Variants in MYH14 observed in about 807,000 individuals in gnomAD.
The protein encoded by MYH14 is myosin-14.
In MYH14, 123 loss-of-function variants were observed where a neutral mutation model predicts 255.5. The ratio of observed to expected loss-of-function variants is 0.48; its 90% confidence interval spans 0.42 to 0.56. MYH14 has a LOEUF of 0.56. MYH14 is among the 20% of genes least tolerant of loss of function. The pLI is 0.00. For missense variants in MYH14, 2,423 were observed against 2,802.3 expected (o/e 0.86, Z 3.06); for synonymous variants, 1,095 against 1,161.2 (o/e 0.94, Z 1.16).
At chr19:50,292,811 G>A (rs1228385493) in intron 37 of MYH14, among the ~76,000 whole-genome samples, 1 of 151,778 alleles carries the variant, frequency 6.6e-6, no homozygotes, top group African/African-American at 2.4e-5. Flanking sequence ...GAGAGATTGA[G>A]AAAGAGAGAG....
chr19:50,210,094 C>CT (rs2032080832), intron 1 of MYH14, among the ~76,000 whole-genome samples: 6 of 70,418 alleles, frequency 8.5e-5, no homozygotes, highest in African/African-American at 4.0e-4. Flanking sequence ...GAGACTCCGT[C>CT]TCAAAAAAAA....
chr19:50,240,810 AAAAC>A (rs1295259723), intron 10 of MYH14, among the ~76,000 whole-genome samples: 2 of 150,554 alleles, frequency 1.3e-5, no homozygotes, highest in Admixed American at 1.3e-4. Flanking sequence ...TAAAAACAGA[AAAAC>A]AAACAAAAAA....
At position 50,266,722 on chromosome 19, in the gene MYH14, GT is replaced by G. The variant is rs1272207819; in HGVS notation, c.2695-153del. Among the ~76,000 whole-genome samples the G allele has an allele frequency of 6.6e-6, 1 of 152,248 alleles. No homozygotes were observed. Among genetic ancestry groups the G allele is most frequent in the Non-Finnish European group, 1.5e-5 (1 of 68,044 alleles). On this transcript the variant is annotated intron_variant, in intron 22 of 42. Transcript: ENST00000642316. The surrounding 1 kb of genome is among the most constrained non-coding windows in gnomAD (Gnocchi z 4.1). ...GTGGTGCTTGCCTGTACCTGTCAGT[GT>G]TCTAGGCCTGTGACCAGGGACTGTT... is the stretch of plus-strand genomic sequence containing the variant.
At chr19:50,205,770 G>A (rs904260942) in intron 1 of MYH14, among the ~76,000 whole-genome samples, 1 of 152,192 alleles carries the variant, frequency 6.6e-6, no homozygotes, top group Non-Finnish European at 1.5e-5. Context: ...CTTAGGGGAG[G>A]AGGGGGCTGC....
At chr19:50,261,435 C>T (rs768268532) in intron 20 of MYH14, 40 bp from the exon 21 acceptor site, 1 of 702,692 alleles carries the variant, frequency 1.4e-6, no homozygotes, top group East Asian at 5.8e-5. Flanking sequence ...ACTCCCCCAT[C>T]ACCCCCTCTC....
At chr19:50,256,060 T>A (rs1020033597) in intron 17 of MYH14, among the ~76,000 whole-genome samples, 1 of 151,610 alleles carries the variant, frequency 6.6e-6, no homozygotes, top group Non-Finnish European at 1.5e-5. Context: ...AGAGGATCAC[T>A]TGAGGACAAG....
chr19:50,263,348 G>A lies in MYH14; in HGVS notation c.2622G>A (p.Leu874=). 1.9e-6 allele frequency: 3 copies of A among 1,593,110 alleles called. No individual in the cohort carries two copies. The highest frequency in any genetic ancestry group is 2.6e-6 in the Non-Finnish European group (3 of 1,170,068). ...FQKRQQQQSA[L]RVMQRNCAAY... Reference sequence around the variant, plus strand: ...AGCGCCAGCAGCAGCAGAGCGCCCTGAGGGTGATGCAGCGGAACTGCGCGG... The same window carrying A: ...AGCGCCAGCAGCAGCAGAGCGCCCTAAGGGTGATGCAGCGGAACTGCGCGG... Residue 874 remains leucine, a synonymous_variant, in exon 22 of 43, where the codon CTG becomes CTA. Transcript: ENST00000642316.
rs1431746452 is a variant in MYH14, at chr19:50,280,415, G to A, written c.4290+32G>A. On this transcript the variant is annotated intron_variant, in intron 32 of 42. Coordinates refer to ENST00000642316, the MANE Select transcript of MYH14 (RefSeq NM_001145809.2). This position sits in a 1 kb window ranked among gnomAD's most constrained non-coding sequence, Gnocchi z 4.8. ...AGCCCTACGTAAGACCTTCAGGGAG[G>A]CACAGCCCCCCTCACTGCTCCTCCT... 8 of 1,492,292 alleles carry A rather than the reference G, an allele frequency of 5.4e-6. No individual in the cohort carries two copies. The highest frequency in any genetic ancestry group is 7.2e-6 in the Non-Finnish European group (8 of 1,115,110). 92.4% of individuals were successfully genotyped at this position (1,492,292 alleles called of 1,614,324 possible).
At chr19:50,212,631 C>T (rs2032259477) in intron 2 of MYH14, among the ~76,000 whole-genome samples, 1 of 152,172 alleles carries the variant, frequency 6.6e-6, no homozygotes, top group Admixed American at 6.5e-5. Context: ...CAACATCCAC[C>T]CCTCTGAGGT....
chr19:50,207,976 C>G (rs73932437), intron 1 of MYH14, among the ~76,000 whole-genome samples: 1 of 152,276 alleles, frequency 6.6e-6, no homozygotes, highest in Admixed American at 6.5e-5. Flanking sequence ...CCCCCTTCCT[C>G]GCTCCTGTCA....
At chr19:50,289,028 CACTGATGACCCTGGAGCT>C (rs148756932) in intron 34 of MYH14, among the ~76,000 whole-genome samples, 3,453 of 152,162 alleles carry the variant, frequency 0.023, 122 homozygotes, top group African/African-American at 0.079. Context: ...CAAACACCAG[CACTGATGACCCTGGAGCT>C]ACGTGCCTTC....
Position 50,261,947 on chromosome 19 carries a change from C to T in MYH14, c.2585+312C>T, listed in dbSNP as rs150920334. On this transcript the variant is annotated intron_variant, in intron 21 of 42. Transcript: ENST00000642316. ...TTCCAGTGCTAAAACAGAGAAAGCC[C>T]GGGGCAACCCAGGTCAAGCTGTCCG... is the stretch of plus-strand genomic sequence containing the variant. Among the ~76,000 whole-genome samples, 1,592 of 152,220 alleles carry T rather than the reference C, an allele frequency of 0.01. 14 individuals carry two copies. Among genetic ancestry groups the T allele is most frequent in the Non-Finnish European group, 0.015 (1,051 of 68,012 alleles).
intron 20 of MYH14, among the ~76,000 whole-genome samples, chr19:50,261,066 C>G (rs1284183662): frequency 1.5e-3 from 98 of 63,844 alleles, no homozygotes; most frequent in African/African-American, 4.2e-3. Context: ...CATCACCACT[C>G]CCCCATCGCC....
chr19:50,229,996 C>T (rs1568479107), intron 8 of MYH14, among the ~76,000 whole-genome samples: 1 of 152,112 alleles, frequency 6.6e-6, no homozygotes, highest in African/African-American at 2.4e-5. Flanking sequence ...CTCACTGCAA[C>T]CTCCTCCTCC....
rs373295946 is a variant in MYH14 at position 50,257,355 on chromosome 19, G to A, written c.2101G>A (p.Gly701Ser). The change falls in exon 18 of 43, where the codon GGC (glycine) becomes AGC (serine). Residue 701 changes from glycine (G) to serine (S), a missense_variant. Around this residue, in one of 3 missense-constraint regions of MYH14, gnomAD observed 672 missense variants for 881.8 expected, o/e 0.76. Coordinates refer to ENST00000642316, the MANE Select transcript of MYH14 (RefSeq NM_001145809.2). ...VSSLGDGPPG[G>S]RPRRGMFRTV... Reference sequence around the variant, plus strand: ...CAGCCTGGGCGACGGCCCACCAGGTGGCCGCCCCCGTCGGGGTATGTTCCG... The same window carrying A: ...CAGCCTGGGCGACGGCCCACCAGGTAGCCGCCCCCGTCGGGGTATGTTCCG... 7.5e-6 allele frequency: 12 copies of A among 1,609,024 alleles called. No individual in the cohort carries two copies. The African/African-American group carries it at 1.1e-4, about 14-fold the overall frequency.
At chr19:50,267,562 AG>A (rs1399952245) in intron 23 of MYH14, among the ~76,000 whole-genome samples, 1 of 151,756 alleles carries the variant, frequency 6.6e-6, no homozygotes, top group Non-Finnish European at 1.5e-5. Flanking sequence ...TGGAGGTTGC[AG>A]TGAGCCGAGA....
intron 37 of MYH14, among the ~76,000 whole-genome samples, chr19:50,292,723 C>A (rs1320518243): frequency 6.6e-6 from 1 of 152,056 alleles, no homozygotes; most frequent in Non-Finnish European, 1.5e-5. Flanking sequence ...GCAGGGTCAG[C>A]TCTGTAGCAG....
intron 18 of MYH14, 113 bp downstream of exon 18, chr19:50,257,599 G>A: frequency 9.1e-7 from 1 of 1,099,182 alleles, no homozygotes; most frequent in South Asian, 1.4e-5. Context: ...TAGCTGTGTG[G>A]CTTTGAGCAA....
At chr19:50,249,266 C>T (rs1326006315) in intron 13 of MYH14, 127 bp downstream of exon 13, 27 of 1,156,800 alleles carry the variant, frequency 2.3e-5, no homozygotes, top group Non-Finnish European at 2.4e-6. Flanking sequence ...CTCTGTTCCC[C>T]CCTCTCTCTG....
Sources: gnomAD v4.1 joint callset for allele counts (sites outside exome capture counted in the v4.1 genomes callset) on GRCh38, gnomAD v4.1.1 for gene constraint, gnomAD v4.1.1 regional missense constraint, Gnocchi (gnomAD v3.1) non-coding constraint, MANE v1.5 for transcripts, NCBI Gene and HGNC (gene_info 2026-07-23, HGNC 2026-07-21) for gene names.